PAPSS2: variants seen among roughly 807,000 people sequenced by gnomAD.
The protein encoded by PAPSS2 is bifunctional 3'-phosphoadenosine 5'-phosphosulfate synthase 2.
Under a neutral mutation model 66.5 loss-of-function variants are expected in PAPSS2, and 61 were observed. The ratio of observed to expected loss-of-function variants is 0.92; its 90% CI spans 0.75 to 1.14. The LOEUF (loss-of-function observed/expected upper bound fraction) is 1.14. Ranked by LOEUF, PAPSS2 falls within the 50% of genes most tolerant of loss-of-function variation. The pLI is 0.00. For missense variants in PAPSS2, 708 were observed against 789.6 expected (o/e 0.90, Z 1.24); for synonymous variants, 289 against 287.5 (o/e 1.01, Z -0.05).
intron 1 of PAPSS2, among the ~76,000 whole-genome samples, chr10:87,674,508 C>G (rs904258698): frequency 6.6e-6 from 1 of 152,022 alleles, no homozygotes; most frequent in Non-Finnish European, 1.5e-5. Flanking sequence ...TTGGCATTTT[C>G]TTCAATTATG....
chr10:87,745,377 T>C lies in PAPSS2; in HGVS notation c.1721+146T>C, dbSNP rs373818563. The C allele has an allele frequency of 2.4e-3, 1,651 of 688,842 alleles. 40 individuals carry two copies. The South Asian group carries it at 0.027, about 11-fold the overall frequency. The allele number at this position is 688,842 out of a possible 1,614,324, so 42.7% of individuals were successfully genotyped here. On this transcript the variant is annotated intron_variant, in intron 12 of 12. Coordinates refer to ENST00000456849, the MANE Select transcript of PAPSS2 (RefSeq NM_001015880.2). ...CCTTGAGAGTCAAGACGTGGTCTTA[T>C]AAATTTTATGTCCCCTAAAATTGTA...
At position 87,747,491 on chromosome 10, in the gene PAPSS2, C is replaced by T. The variant is rs894058160; in HGVS notation, c.*1521C>T. Reference sequence around the variant, plus strand: ...TCTTTAATAGTATAGTGCCTATACTCATGTAATCGGTTACTCACTACTGCC... The same window carrying T: ...TCTTTAATAGTATAGTGCCTATACTTATGTAATCGGTTACTCACTACTGCC... On this transcript the variant is annotated 3_prime_UTR_variant, in exon 13 of 13. Coordinates refer to ENST00000456849, the MANE Select transcript of PAPSS2 (RefSeq NM_001015880.2). 6.6e-6 allele frequency: 1 copy of T among 152,318 alleles called. No individual in the cohort carries two copies. The highest frequency in any genetic ancestry group is 2.4e-5 in the African/African-American group (1 of 41,364). The allele number at this position is 152,318 out of a possible 1,614,324, so 9.4% of individuals were successfully genotyped here. A position where few individuals can be genotyped will look rare whatever the true frequency, so the allele number is the denominator to read the frequency against.
chr10:87,685,804 G>T (rs1193177124), intron 1 of PAPSS2, among the ~76,000 whole-genome samples: 1 of 152,192 alleles, frequency 6.6e-6, no homozygotes, highest in African/African-American at 2.4e-5. Flanking sequence ...TGTGTCAGGA[G>T]CCCATGTGAG....
intron 1 of PAPSS2, among the ~76,000 whole-genome samples, chr10:87,692,566 C>T (rs553969914): frequency 1.3e-5 from 2 of 152,198 alleles, no homozygotes; most frequent in South Asian, 2.1e-4. Flanking sequence ...AAAGAGTGGT[C>T]AATGGGAAGA....
rs529057056 is a variant in PAPSS2, at chr10:87,743,441, C to G, written c.1291C>G (p.Arg431Gly). 6.2e-7 allele frequency: 1 copy of G among 1,614,110 alleles called. No homozygotes were observed. The highest frequency in any genetic ancestry group is 8.5e-7 in the Non-Finnish European group (1 of 1,179,996). The change falls in exon 11 of 13, where the codon CGC (arginine) becomes GGC (glycine). Residue 431 changes from arginine to glycine, a missense_variant. Arg to Gly is a moderately radical substitution (Grantham distance 125). Transcript: ENST00000456849. ...NGHALLMQDT[R>G]RRLLERGYKH... ...CCATGCCCTGTTGATGCAGGACACT[C>G]GCCGCAGGCTCCTAGAGAGGGGCTA... is the stretch of plus-strand genomic sequence containing the variant.
intron 1 of PAPSS2, among the ~76,000 whole-genome samples, chr10:87,706,524 A>AG (rs1853392012): frequency 6.7e-6 from 1 of 148,162 alleles, no homozygotes; most frequent in African/African-American, 2.5e-5. Context: ...TGGAAGGCTG[A>AG]GGTGGGAGTA....
chr10:87,701,352 C>CTTTCTT (rs1853308359), intron 1 of PAPSS2, among the ~76,000 whole-genome samples: 1 of 93,954 alleles, frequency 1.1e-5, no homozygotes, highest in African/African-American at 5.0e-5. Flanking sequence ...TTCTTTCTTT[C>CTTTCTT]TTTCTTTCTT....
intron 1 of PAPSS2, among the ~76,000 whole-genome samples, chr10:87,685,853 T>C (rs1378301938): frequency 1.3e-5 from 2 of 152,026 alleles, no homozygotes; most frequent in Non-Finnish European, 2.9e-5. Flanking sequence ...AATAGGAGGG[T>C]ACAAATAGGG....
At chr10:87,683,883 G>A (rs934569215) in intron 1 of PAPSS2, among the ~76,000 whole-genome samples, 1 of 151,834 alleles carries the variant, frequency 6.6e-6, no homozygotes, top group South Asian at 2.1e-4. Flanking sequence ...TTGTGGAGAT[G>A]GGGGTTTCGC....
At chr10:87,735,803 CAA>C (rs1180343076) in intron 9 of PAPSS2, among the ~76,000 whole-genome samples, 1 of 152,192 alleles carries the variant, frequency 6.6e-6, no homozygotes, top group African/African-American at 2.4e-5. Context: ...CAGATATTGT[CAA>C]ATGTCACCAG....
chr10:87,685,509 T>C (rs1535367), intron 1 of PAPSS2, among the ~76,000 whole-genome samples: 51,627 of 151,672 alleles, frequency 0.34, 9,226 homozygotes, highest in East Asian at 0.52. Flanking sequence ...TAGCAAGACC[T>C]CATCCTTACA....
chr10:87,713,239 G>C lies in PAPSS2; in HGVS notation c.310G>C (p.Ala104Pro), dbSNP rs767292709. 2 of 1,605,370 alleles carry C rather than the reference G, an allele frequency of 1.2e-6. No homozygotes were observed. Among genetic ancestry groups the C allele is most frequent in the African/African-American group, 2.7e-5 (2 of 73,454 alleles). Residue 104 changes from alanine (A) to proline (P), a missense_variant, in exon 3 of 13, where the codon GCT (alanine) becomes CCT (proline). Ala to Pro is a conservative substitution (Grantham distance 27, BLOSUM62 -1). Coordinates refer to ENST00000456849, the MANE Select transcript of PAPSS2 (RefSeq NM_001015880.2). ...CAGAGAGGAAAATATCCGCCGGATT[G>C]CTGAGGTGGCTAAGCTGTTTGCTGA... is the stretch of plus-strand genomic sequence containing the variant. ...GDREENIRRI[A>P]EVAKLFADAG...
chr10:87,690,789 C>T (rs1022782488), intron 1 of PAPSS2, among the ~76,000 whole-genome samples: 2 of 152,204 alleles, frequency 1.3e-5, no homozygotes, highest in Admixed American at 6.5e-5. Context: ...TGTACATTTC[C>T]TCATTTAATC....
At chr10:87,664,122 CTG>C (rs763720920) in intron 1 of PAPSS2, among the ~76,000 whole-genome samples, 5 of 152,098 alleles carry the variant, frequency 3.3e-5, no homozygotes, top group Non-Finnish European at 7.4e-5. Flanking sequence ...AGGTCTCACT[CTG>C]TTGCTCTGGC....
chr10:87,741,724 A>G (rs1297751254), intron 10 of PAPSS2, among the ~76,000 whole-genome samples: 1 of 147,550 alleles, frequency 6.8e-6, no homozygotes, highest in Non-Finnish European at 1.5e-5. Context: ...TTCCCTTACC[A>G]CCCTCTGATT....
At chr10:87,710,839 C>T (rs866317884) in intron 2 of PAPSS2, among the ~76,000 whole-genome samples, 1 of 151,970 alleles carries the variant, frequency 6.6e-6, no homozygotes, top group Non-Finnish European at 1.5e-5. Flanking sequence ...TGTCTCTCTA[C>T]TAAGAAGACA....
At chr10:87,701,071 A>G (rs915435282) in intron 1 of PAPSS2, among the ~76,000 whole-genome samples, 3 of 151,714 alleles carry the variant, frequency 2.0e-5, no homozygotes, top group African/African-American at 7.3e-5. Flanking sequence ...AATACTCTTT[A>G]ATATGATATA....
At chr10:87,682,081 A>C (rs965830774) in intron 1 of PAPSS2, among the ~76,000 whole-genome samples, 1 of 152,212 alleles carries the variant, frequency 6.6e-6, no homozygotes, top group Non-Finnish European at 1.5e-5. Flanking sequence ...CAGATGACTT[A>C]TTTTGTTTAG....
At chr10:87,745,751 A>C (rs994862254) in intron 12 of PAPSS2, 81 bp from the exon 13 acceptor site, 14 of 1,479,476 alleles carry the variant, frequency 9.5e-6, no homozygotes, top group Middle Eastern at 1.8e-4. Context: ...CATGGGTCTC[A>C]AAAACCATAA....
Sources: gnomAD v4.1 joint callset for allele counts (sites outside exome capture counted in the v4.1 genomes callset) on GRCh38, gnomAD v4.1.1 for gene constraint, MANE v1.5 for transcripts, NCBI Gene and HGNC (gene_info 2026-07-23, HGNC 2026-07-21) for gene names.